Variants in DRC11 observed in about 807,000 individuals in gnomAD.
DRC11 encodes the protein IQ and AAA domain-containing protein 1.
chr2:236,335,018 A>G, the DRC11 span, among the ~76,000 whole-genome samples: 1 of 151,908 alleles, frequency 6.6e-6, no homozygotes, highest in Non-Finnish European at 1.5e-5. The surrounding 1 kb of genome is among the most constrained non-coding windows in gnomAD (Gnocchi z 5.6). Flanking sequence ...GGAAAGAAGG[A>G]GAGATTGAAT....
the DRC11 span, among the ~76,000 whole-genome samples, chr2:236,344,306 C>A: frequency 6.6e-6 from 1 of 152,152 alleles, no homozygotes; most frequent in South Asian, 2.1e-4. Context: ...ACCTCTGAAT[C>A]GTATGTTTGG....
the DRC11 span, chr2:236,338,418 A>G: frequency 3.2e-6 from 5 of 1,552,892 alleles, no homozygotes; most frequent in Middle Eastern, 1.7e-4. Flanking sequence ...CCACATATAG[A>G]AAAAAAGAAT....
At chr2:236,354,323 G>A in the DRC11 span, among the ~76,000 whole-genome samples, 1 of 78,998 alleles carries the variant, frequency 1.3e-5, no homozygotes, top group Non-Finnish European at 2.8e-5. Flanking sequence ...GTGCATGTGT[G>A]TGAGTGTATT....
chr2:236,405,379 G>C, the DRC11 span, among the ~76,000 whole-genome samples: 3 of 151,590 alleles, frequency 2.0e-5, no homozygotes, highest in Non-Finnish European at 4.4e-5. The surrounding 1 kb of genome is among the most constrained non-coding windows in gnomAD (Gnocchi z 4.6). Flanking sequence ...TCTGTGGTTT[G>C]TTGCATCCAA....
At chr2:236,505,482 C>G in the DRC11 span, among the ~76,000 whole-genome samples, 8 of 152,088 alleles carry the variant, frequency 5.3e-5, no homozygotes, top group East Asian at 9.7e-4. Flanking sequence ...CCTGTTACCC[C>G]CAGAGCCCTC....
At chr2:236,503,660 C>T in the DRC11 span, 1 of 1,551,014 alleles carries the variant, frequency 6.4e-7, no homozygotes, top group South Asian at 1.2e-5. This position sits in a 1 kb window ranked among gnomAD's most constrained non-coding sequence, Gnocchi z 4.9. Flanking sequence ...GAGACGGCGT[C>T]ATCTCCTTCC....
chr2:236,354,217 T>TGTGCATGTGC, the DRC11 span, among the ~76,000 whole-genome samples: 2 of 63,654 alleles, frequency 3.1e-5, no homozygotes, highest in Non-Finnish European at 6.9e-5. Flanking sequence ...AATGTATGTG[T>TGTGCATGTGC]GTGCATGTGC....
the DRC11 span, chr2:236,331,470 G>A: frequency 6.2e-7 from 1 of 1,613,990 alleles, no homozygotes; most frequent in Non-Finnish European, 8.5e-7. This position sits in a 1 kb window ranked among gnomAD's most constrained non-coding sequence, Gnocchi z 4.8. Flanking sequence ...TCTGATCTGT[G>A]AGCACGCCTT....
At chr2:236,404,936 C>T in the DRC11 span, among the ~76,000 whole-genome samples, 16 of 152,288 alleles carry the variant, frequency 1.1e-4, no homozygotes, top group African/African-American at 3.6e-4. Context: ...CACCTTCTAG[C>T]CATGTCTTCA....
the DRC11 span, among the ~76,000 whole-genome samples, chr2:236,488,946 G>A: frequency 6.7e-6 from 1 of 148,912 alleles, no homozygotes; most frequent in East Asian, 2.0e-4. Context: ...GCCTGTGTGG[G>A]CTCCAGGTAC....
chr2:236,307,321 G>A, the DRC11 span, among the ~76,000 whole-genome samples: 1 of 152,162 alleles, frequency 6.6e-6, no homozygotes, highest in Non-Finnish European at 1.5e-5. This position sits in a 1 kb window ranked among gnomAD's most constrained non-coding sequence, Gnocchi z 7.0. Flanking sequence ...CAGGCTTAGA[G>A]GCCCGCGGGA....
the DRC11 span, among the ~76,000 whole-genome samples, chr2:236,347,994 G>A: frequency 1.3e-5 from 2 of 152,252 alleles, no homozygotes; most frequent in East Asian, 1.9e-4. Context: ...ACACCAAGCC[G>A]GGCGCTTTGC....
At chr2:236,403,198 A>C in the DRC11 span, among the ~76,000 whole-genome samples, 1 of 152,068 alleles carries the variant, frequency 6.6e-6, no homozygotes, top group Non-Finnish European at 1.5e-5. Flanking sequence ...CAGAAGGAAC[A>C]GCATGTGTGA....
At chr2:236,311,728 G>GTGTGTGTA in the DRC11 span, among the ~76,000 whole-genome samples, 1 of 151,866 alleles carries the variant, frequency 6.6e-6, no homozygotes, top group African/African-American at 2.4e-5. The surrounding 1 kb of genome is among the most constrained non-coding windows in gnomAD (Gnocchi z 6.9). Flanking sequence ...GTGTGTGTGT[G>GTGTGTGTA]TGTGTGTGTT....
At chr2:236,459,608 CGTATATAA>C in the DRC11 span, among the ~76,000 whole-genome samples, 18 of 108,294 alleles carry the variant, frequency 1.7e-4, no homozygotes, top group African/African-American at 4.6e-4. Context: ...TACATATATA[CGTATATAA>C]GTATATACAT....
chr2:236,404,161 TAA>T, the DRC11 span, among the ~76,000 whole-genome samples: 2,126 of 91,490 alleles, frequency 0.023, 47 homozygotes, highest in African/African-American at 0.075. Flanking sequence ...AATGGAGAGT[TAA>T]AAAAAAAAAA....
the DRC11 span, among the ~76,000 whole-genome samples, chr2:236,418,268 T>C: frequency 1.3e-5 from 2 of 152,220 alleles, no homozygotes; most frequent in Non-Finnish European, 2.9e-5. Flanking sequence ...ATCACCATTC[T>C]AATTGGCGTG....
chr2:236,366,949 A>G, the DRC11 span, among the ~76,000 whole-genome samples: 1 of 149,264 alleles, frequency 6.7e-6, no homozygotes, highest in East Asian at 2.0e-4. Flanking sequence ...AGCTGGGATT[A>G]CAGGCACCTG....
At chr2:236,438,118 T>C in the DRC11 span, among the ~76,000 whole-genome samples, 2 of 139,192 alleles carry the variant, frequency 1.4e-5, no homozygotes, top group African/African-American at 2.8e-5. Flanking sequence ...TTGATTTTTG[T>C]ATAAGGTGTA....
Sources: gnomAD v4.1 joint callset for allele counts (sites outside exome capture counted in the v4.1 genomes callset) on GRCh38, gnomAD v4.1.1 for gene constraint, Gnocchi (gnomAD v3.1) non-coding constraint, MANE v1.5 for transcripts, NCBI Gene and HGNC (gene_info 2026-07-23, HGNC 2026-07-21) for gene names.